Variants in DOCK9 observed in about 807,000 individuals in gnomAD.
DOCK9 encodes dedicator of cytokinesis protein 9.
DOCK9 carries 89 observed loss-of-function variants against 263.3 expected under a neutral mutation model. The ratio of observed to expected loss-of-function variants is 0.34; its 90% CI spans 0.28 to 0.40. The LOEUF is 0.40. DOCK9 is among the 10% of genes least tolerant of loss of function. The pLI is 1.00. For missense variants in DOCK9, 2,140 were observed against 2,603.4 expected, an observed-to-expected ratio of 0.82 and a Z score of 3.87; for synonymous variants, 976 against 973.1, an observed-to-expected ratio of 1.00 and a Z score of -0.06.
Position 98,860,268 on chromosome 13 carries a change from G to A in DOCK9, c.3697+137C>T, listed in dbSNP as rs532899157. ...GGGTTTCAGTTGTTGACTATCACAA[G>A]CAGGAAAAGAATACTCAGGAAAGCA... On this transcript the variant is annotated intron_variant, in intron 33 of 52. Coordinates refer to ENST00000682017, the MANE Select transcript of DOCK9 (RefSeq NM_001366683.2). The A allele has an allele frequency of 6.1e-6, 9 of 1,470,658 alleles. No homozygotes were observed. In the East Asian group the frequency reaches 1.5e-4, roughly 24 times the overall value. 91.1% of individuals were successfully genotyped at this position (1,470,658 alleles called of 1,614,324 possible).
intron 27 of DOCK9, among the ~76,000 whole-genome samples, chr13:98,874,320 C>A (rs964549477): frequency 1.3e-5 from 2 of 152,226 alleles, no homozygotes; most frequent in African/African-American, 4.8e-5. Context: ...TGACTCACTA[C>A]TTTGTTCCAT....
At chr13:98,955,883 T>C (rs1595625224) in intron 1 of DOCK9, among the ~76,000 whole-genome samples, 5 of 152,194 alleles carry the variant, frequency 3.3e-5, no homozygotes, top group Admixed American at 3.3e-4. Flanking sequence ...TGGTTAGGTG[T>C]CCAGCCATGG....
intron 1 of DOCK9, among the ~76,000 whole-genome samples, chr13:99,047,089 T>C (rs2040468207): frequency 5.5e-5 from 1 of 18,116 alleles, no homozygotes; most frequent in Non-Finnish European, 8.5e-5. Flanking sequence ...TATGTTGGAC[T>C]ATTCATGGGG....
chr13:98,863,427 G>A lies in DOCK9; in HGVS notation c.3408C>T (p.Ile1136=). ...QEFREVRLIA[I]SVLKNLLIKH... ...TTATCAGCAGGTTCTTGAGCACACTGATGGCGATCAGACGGACCTCCCGGA... is the reference window on the plus strand; with the variant it reads ...TTATCAGCAGGTTCTTGAGCACACTAATGGCGATCAGACGGACCTCCCGGA... Residue 1136 remains isoleucine (I), a synonymous_variant, in exon 31 of 53, where the codon ATC becomes ATT. Coordinates refer to ENST00000682017, the MANE Select transcript of DOCK9 (RefSeq NM_001366683.2). The A allele has an allele frequency of 1.2e-6, 2 of 1,613,948 alleles. No homozygotes were observed. The highest frequency in any genetic ancestry group is 4.5e-5 in the East Asian group (2 of 44,876).
At chr13:98,916,074 C>T (rs2050840028) in intron 7 of DOCK9, among the ~76,000 whole-genome samples, 1 of 152,166 alleles carries the variant, frequency 6.6e-6, no homozygotes, top group Non-Finnish European at 1.5e-5. Context: ...CTCATGCCTC[C>T]AGTTTTCATG....
At chr13:99,073,307 T>C (rs2041763276) in intron 1 of DOCK9, among the ~76,000 whole-genome samples, 2 of 149,794 alleles carry the variant, frequency 1.3e-5, no homozygotes, top group Admixed American at 6.7e-5. Flanking sequence ...TTCTCATTCA[T>C]TCTCTCTCTC....
chr13:98,901,596 A>G (rs1249160105), intron 13 of DOCK9, among the ~76,000 whole-genome samples, 182 bp downstream of exon 13: 1 of 152,250 alleles, frequency 6.6e-6, no homozygotes, highest in African/African-American at 2.4e-5. Flanking sequence ...TTATTTACAC[A>G]TAGGACTACA....
At chr13:98,928,767 C>T (rs964281466) in intron 3 of DOCK9, among the ~76,000 whole-genome samples, 3 of 152,112 alleles carry the variant, frequency 2.0e-5, no homozygotes, top group Non-Finnish European at 4.4e-5. Context: ...AAATTGGCTA[C>T]AGGCTGGATT....
chr13:98,850,621 A>G (rs1044051934), intron 35 of DOCK9, among the ~76,000 whole-genome samples: 1 of 152,228 alleles, frequency 6.6e-6, no homozygotes, highest in Non-Finnish European at 1.5e-5. Context: ...TGGATAGACC[A>G]TAATTGAGTT....
intron 52 of DOCK9, 37 bp from the exon 53 acceptor site, chr13:98,794,785 C>G (rs1388051103): frequency 6.2e-7 from 1 of 1,610,160 alleles, no homozygotes; most frequent in Non-Finnish European, 8.5e-7. Flanking sequence ...GAGGGCAACA[C>G]AAGGTTACCA....
chr13:98,931,866 A>G, intron 2 of DOCK9, among the ~76,000 whole-genome samples: 1 of 150,420 alleles, frequency 6.6e-6, no homozygotes, highest in East Asian at 2.0e-4. Flanking sequence ...CCAAAGCACT[A>G]GGATTACAGG....
intron 2 of DOCK9, among the ~76,000 whole-genome samples, chr13:98,930,463 C>T (rs1397089869): frequency 6.6e-6 from 1 of 152,210 alleles, no homozygotes; most frequent in Non-Finnish European, 1.5e-5. Context: ...GGTTACAGCT[C>T]CTGCTTCTTT....
At chr13:98,870,645 T>G (rs766762162) in intron 27 of DOCK9, among the ~76,000 whole-genome samples, 4 of 152,044 alleles carry the variant, frequency 2.6e-5, no homozygotes, top group Non-Finnish European at 5.9e-5. Flanking sequence ...TAATCAACAT[T>G]ATTATAACTA....
At chr13:98,827,999 T>C (rs769214133) in intron 43 of DOCK9, among the ~76,000 whole-genome samples, 1 of 152,088 alleles carries the variant, frequency 6.6e-6, no homozygotes, top group African/African-American at 2.4e-5. Context: ...GTCATACTGG[T>C]GTGTGGTGGG....
rs377267641 is a variant in DOCK9, at chr13:99,039,078, C to T, written c.129+47145G>A. On this transcript the variant is annotated intron_variant, in intron 1 of 32. Transcript: ENST00000427887. ...TCTGTGCTATTGCATTTACTATACC[C>T]GGCAAAGACTACAAAAGCTGTCAGA... Among the ~76,000 whole-genome samples the T allele has an allele frequency of 1.6e-4, 25 of 152,272 alleles. No homozygotes were observed. The East Asian group carries it at 1.9e-3, about 12-fold the overall frequency.
rs144310819 is a variant in DOCK9, at chr13:98,897,777, C to A, written c.1587-167G>T. On this transcript the variant is annotated intron_variant, in intron 14 of 52. Transcript: ENST00000682017. ...AAAACATCTATGGGGATGAGGACAA[C>A]TAAATCAATTTACATAGAAAACAGT... 1.1e-4 allele frequency among the ~76,000 whole-genome samples: 17 copies of A among 152,270 alleles called. No homozygotes were observed. The East Asian group carries it at 3.1e-3, about 28-fold the overall frequency.
chr13:98,822,887 G>A (rs1461007522), intron 45 of DOCK9, among the ~76,000 whole-genome samples: 9 of 151,530 alleles, frequency 5.9e-5, no homozygotes, highest in African/African-American at 2.2e-4. Flanking sequence ...TAATTTTGAG[G>A]ACCATTTGAG....
intron 1 of DOCK9, among the ~76,000 whole-genome samples, chr13:99,059,484 G>A (rs901756028): frequency 2.0e-5 from 3 of 151,824 alleles, no homozygotes; most frequent in African/African-American, 4.8e-5. Context: ...TATCATTCCC[G>A]CAGCTATTTC....
Position 99,025,532 on chromosome 13 carries a change from G to A in DOCK9, c.129+60691C>T, listed in dbSNP as rs75743277. Among the ~76,000 whole-genome samples the A allele has an allele frequency of 6.5e-4, 99 of 152,276 alleles. No homozygotes were observed. The East Asian group carries it at 9.6e-3, about 15-fold the overall frequency. ...ATTGGATTGGTATACCAATTCGATCGGCTTTGCTAATCAAAATAACAGGTA... is the reference window on the plus strand; with the variant it reads ...ATTGGATTGGTATACCAATTCGATCAGCTTTGCTAATCAAAATAACAGGTA... On this transcript the variant is annotated intron_variant, in intron 1 of 32. Coordinates refer to the DOCK9 transcript ENST00000427887.
Sources: gnomAD v4.1 joint callset for allele counts (sites outside exome capture counted in the v4.1 genomes callset) on GRCh38, gnomAD v4.1.1 for gene constraint, MANE v1.5 for transcripts, NCBI Gene and HGNC (gene_info 2026-07-23, HGNC 2026-07-21) for gene names.